Variants in TRAPPC9 observed in about 807,000 individuals in gnomAD.
The protein encoded by TRAPPC9 is trafficking protein particle complex subunit 9, also known as IKK2 binding protein.
Under a neutral mutation model 124.0 loss-of-function variants are expected in TRAPPC9, and 83 were observed. The ratio of observed to expected loss-of-function variants is 0.67; its 90% confidence interval spans 0.56 to 0.80. TRAPPC9 has a LOEUF of 0.80. Among genes scored for constraint, TRAPPC9 ranks in the 30% least tolerant of loss-of-function variants. TRAPPC9 has a pLI of 0.00. For synonymous variants in TRAPPC9, 638 were observed against 617.5 expected (o/e 1.03, Z -0.49); for missense variants, 1,302 against 1,508.3 (o/e 0.86, Z 2.27).
At chr8:140,132,550 G>A (rs2061227056) in intron 17 of TRAPPC9, among the ~76,000 whole-genome samples, 1 of 152,146 alleles carries the variant, frequency 6.6e-6, no homozygotes, top group Admixed American at 6.5e-5. Flanking sequence ...CACCAACGCA[G>A]AGCTTGACAC....
chr8:140,152,117 T>C (rs544740790), intron 17 of TRAPPC9, among the ~76,000 whole-genome samples: 4 of 151,210 alleles, frequency 2.6e-5, no homozygotes, highest in Non-Finnish European at 5.9e-5. Context: ...CTATAAAGAG[T>C]AGTTAACACA....
intron 17 of TRAPPC9, among the ~76,000 whole-genome samples, chr8:140,183,883 GAAGAAGAGGAGAGGA>G (rs1206041298): frequency 2.7e-4 from 8 of 29,416 alleles, no homozygotes; most frequent in African/African-American, 1.1e-3. Flanking sequence ...AGAAGAAGAA[GAAGAAGAGGAGAGGA>G]GAGGAGAGGA....
At chr8:139,760,061 T>A (rs1286082016) in intron 21 of TRAPPC9, among the ~76,000 whole-genome samples, 1 of 152,332 alleles carries the variant, frequency 6.6e-6, no homozygotes, top group African/African-American at 2.4e-5. Context: ...TGCACATGCA[T>A]GTGTGCGTTT....
chr8:140,381,667 C>CA (rs56659960), intron 7 of TRAPPC9, among the ~76,000 whole-genome samples: 18,855 of 48,042 alleles, frequency 0.39, 5,144 homozygotes, highest in East Asian at 0.64. Flanking sequence ...GACTCTGTCT[C>CA]AAAAAAAAAA....
intron 17 of TRAPPC9, among the ~76,000 whole-genome samples, chr8:140,069,889 T>TCTGATGTCCGGGAGC (rs570643518): frequency 9.2e-4 from 140 of 152,046 alleles, no homozygotes; most frequent in African/African-American, 3.3e-3. Flanking sequence ...AGTCCTAGAG[T>TCTGATGTCCGGGAGC]CCAAAGGCCC....
chr8:140,051,099 C>T (rs549278990), intron 17 of TRAPPC9, among the ~76,000 whole-genome samples: 1 of 152,352 alleles, frequency 6.6e-6, no homozygotes, highest in South Asian at 2.1e-4. Flanking sequence ...AGATAGCATC[C>T]TTAAAGGAAT....
chr8:140,323,896 ATT>A (rs5895638), intron 9 of TRAPPC9, among the ~76,000 whole-genome samples: 5 of 151,740 alleles, frequency 3.3e-5, no homozygotes, highest in African/African-American at 7.3e-5. Context: ...TAAAAAATAT[ATT>A]TTTTTTTATT....
At chr8:140,393,282 T>C (rs1363921058) in intron 7 of TRAPPC9, among the ~76,000 whole-genome samples, 1 of 152,062 alleles carries the variant, frequency 6.6e-6, no homozygotes, top group Admixed American at 6.6e-5. Flanking sequence ...TGAGGTTACA[T>C]AACTATTCCA....
rs373979305 is a variant in TRAPPC9, at chr8:139,731,097, G to T, written c.3411C>A (p.Pro1137=). Residue 1137 remains proline (P), a synonymous_variant, in exon 23 of 23, where the codon CCC becomes CCA. Transcript: ENST00000438773. ...CCTCCAGGGCACACACGTGCACACT[G>T]GGCAGGCAGAACCAAGAGGGTGGCA... ...KELPPSWFCL[P]SVHVCALEAQ... 2.5e-4 allele frequency: 404 copies of T among 1,613,748 alleles called. No homozygotes were observed. The highest frequency in any genetic ancestry group is 3.2e-4 in the Admixed American group (19 of 60,034).
chr8:140,436,302 C>T (rs185723494), intron 3 of TRAPPC9, among the ~76,000 whole-genome samples: 17 of 152,136 alleles, frequency 1.1e-4, no homozygotes, highest in Admixed American at 5.2e-4. Flanking sequence ...GCTGAAATCA[C>T]GCCATTGCAC....
chr8:139,892,257 C>A (rs1249817825), intron 20 of TRAPPC9, among the ~76,000 whole-genome samples: 3 of 152,236 alleles, frequency 2.0e-5, no homozygotes, highest in African/African-American at 7.2e-5. Flanking sequence ...CCATGTAGTA[C>A]CCAAGGGACA....
At chr8:140,151,086 G>T (rs1450224981) in intron 17 of TRAPPC9, among the ~76,000 whole-genome samples, 2 of 152,164 alleles carry the variant, frequency 1.3e-5, no homozygotes, top group African/African-American at 4.8e-5. Context: ...GAACAGAAAT[G>T]GGGAAGTGGA....
rs1563805048 is a variant in TRAPPC9 at position 140,157,389 on chromosome 8, A to AAAGCCTCCCTTTTCCATTCAG, written c.2556+64069_2556+64070insCTGAATGGAAAAGGGAGGCTT. Among the ~76,000 whole-genome samples, 300 of 149,896 alleles carry AAAGCCTCCCTTTTCCATTCAG rather than the reference A, an allele frequency of 2.0e-3. 16 individuals carry two copies. The highest frequency in any genetic ancestry group is 3.1e-3 in the Non-Finnish European group (209 of 67,106). On this transcript the variant is annotated intron_variant, in intron 17 of 22. Coordinates refer to ENST00000438773, the MANE Select transcript of TRAPPC9 (RefSeq NM_001160372.4). ...TTCAGAAGCCTCCCTTTTCCATTCAAAAGCCTTCCTTCTCTTCTTTCTGTG... is the reference window on the plus strand; with the variant it reads ...TTCAGAAGCCTCCCTTTTCCATTCAAAAGCCTCCCTTTTCCATTCAGAAGCCTTCCTTCTCTTCTTTCTGTG...
At chr8:139,818,434 G>A (rs920971533) in intron 21 of TRAPPC9, among the ~76,000 whole-genome samples, 3 of 152,168 alleles carry the variant, frequency 2.0e-5, no homozygotes, top group African/African-American at 7.2e-5. Flanking sequence ...AAATTAGCCA[G>A]GCATGGTGGT....
chr8:139,953,668 C>T (rs1317740921), intron 19 of TRAPPC9, among the ~76,000 whole-genome samples: 1 of 152,150 alleles, frequency 6.6e-6, no homozygotes, highest in East Asian at 1.9e-4. Flanking sequence ...TGATTAACAG[C>T]CTGTATCTAG....
At chr8:140,328,420 GAGCTTTACATAAAA>G (rs2066798240) in intron 9 of TRAPPC9, among the ~76,000 whole-genome samples, 1 of 152,124 alleles carries the variant, frequency 6.6e-6, no homozygotes, top group Non-Finnish European at 1.5e-5. Context: ...TAAGGTCCTG[GAGCTTTACATAAAA>G]AGCAACCTGG....
chr8:139,888,530 C>T (rs1830150187), intron 20 of TRAPPC9, among the ~76,000 whole-genome samples: 1 of 152,132 alleles, frequency 6.6e-6, no homozygotes, highest in African/African-American at 2.4e-5. Context: ...TTCCTCCTCC[C>T]TCTCGGAGGA....
chr8:139,951,791 T>C (rs1439709047), intron 19 of TRAPPC9, among the ~76,000 whole-genome samples: 1 of 152,184 alleles, frequency 6.6e-6, no homozygotes, highest in Non-Finnish European at 1.5e-5. Context: ...AGGCCAGAGA[T>C]TGAATAGTGA....
chr8:140,053,252 G>A (rs1446817388), intron 17 of TRAPPC9, among the ~76,000 whole-genome samples: 1 of 152,194 alleles, frequency 6.6e-6, no homozygotes, highest in African/African-American at 2.4e-5. Context: ...CTTTTTAGTG[G>A]AGCAGCCTGG....
Sources: gnomAD v4.1 joint callset for allele counts (sites outside exome capture counted in the v4.1 genomes callset) on GRCh38, gnomAD v4.1.1 for gene constraint, MANE v1.5 for transcripts, NCBI Gene and HGNC (gene_info 2026-07-23, HGNC 2026-07-21) for gene names.